AOAH: variants seen among roughly 807,000 people sequenced by gnomAD.
The protein encoded by AOAH is acyloxyacyl hydrolase.
In AOAH, 64 loss-of-function variants were observed where a neutral mutation model predicts 92.2. That is an observed-to-expected ratio of 0.69 (90% CI 0.57 to 0.86). AOAH has a LOEUF of 0.86. AOAH is among the 40% of genes least tolerant of loss of function. The pLI, the probability that AOAH is intolerant of heterozygous loss-of-function variation, is 0.00. For synonymous variants in AOAH, 263 were observed against 254.5 expected (o/e 1.03, Z -0.32); for missense variants, 656 against 694.6 (o/e 0.94, Z 0.62).
At chr7:36,678,600 T>TGTGTGTGTGTGTGCGTGC (rs549317369) in intron 2 of AOAH, among the ~76,000 whole-genome samples, 1 of 131,102 alleles carries the variant, frequency 7.6e-6, no homozygotes, top group Admixed American at 7.7e-5. Context: ...TGTGTGTGTG[T>TGTGTGTGTGTGTGCGTGC]GCGCGCGCGC....
At chr7:36,719,569 G>A (rs1231070938) in intron 1 of AOAH, among the ~76,000 whole-genome samples, 2 of 152,114 alleles carry the variant, frequency 1.3e-5, no homozygotes, top group Non-Finnish European at 2.9e-5. Flanking sequence ...TCAAGGCAAG[G>A]ATATCCTTTT....
At chr7:36,560,626 C>T (rs1221514799) in intron 13 of AOAH, among the ~76,000 whole-genome samples, 1 of 152,070 alleles carries the variant, frequency 6.6e-6, no homozygotes, top group African/African-American at 2.4e-5. Flanking sequence ...TTCCAGGAGC[C>T]TTTTAGTGTA....
intron 1 of AOAH, among the ~76,000 whole-genome samples, chr7:36,716,933 C>T (rs13236614): frequency 0.23 from 34,579 of 151,132 alleles, 4,049 homozygotes; most frequent in African/African-American, 0.28. Context: ...TGTAACAAAC[C>T]TGCACGTTGT....
intron 3 of AOAH, among the ~76,000 whole-genome samples, chr7:36,671,607 GTA>G (rs927377516): frequency 4.6e-5 from 7 of 151,470 alleles, no homozygotes; most frequent in African/African-American, 9.7e-5. Flanking sequence ...GCGTGTGTGT[GTA>G]TGTGTGTGTG....
chr7:36,574,459 T>C (rs1788350628), intron 13 of AOAH, among the ~76,000 whole-genome samples: 1 of 152,216 alleles, frequency 6.6e-6, no homozygotes, highest in South Asian at 2.1e-4. Context: ...GTTATACTTT[T>C]TGGATTATCT....
Position 36,574,713 on chromosome 7 carries a change from C to T in AOAH, c.1021+1861G>A, listed in dbSNP as rs146942501. Among the ~76,000 whole-genome samples the T allele has an allele frequency of 1.5e-4, 23 of 152,088 alleles. No homozygotes were observed. The East Asian group carries it at 4.1e-3, about 27-fold the overall frequency. ...TTCTACTCCTAGACTCAGTTTCTGTCGAGTTTTTTAAAGGTTATTTCTGTA... is the reference window on the plus strand; with the variant it reads ...TTCTACTCCTAGACTCAGTTTCTGTTGAGTTTTTTAAAGGTTATTTCTGTA... On this transcript the variant is annotated intron_variant, in intron 13 of 20. Coordinates refer to ENST00000617537, the MANE Select transcript of AOAH (RefSeq NM_001637.4).
chr7:36,608,135 C>T (rs922356681), intron 11 of AOAH, among the ~76,000 whole-genome samples: 1 of 152,214 alleles, frequency 6.6e-6, no homozygotes, highest in Non-Finnish European at 1.5e-5. Context: ...CCTGCTGCCT[C>T]GGTCACTGCT....
chr7:36,677,063 A>AG (rs1161414691), intron 2 of AOAH, among the ~76,000 whole-genome samples: 2 of 152,076 alleles, frequency 1.3e-5, no homozygotes, highest in Admixed American at 6.5e-5. Context: ...AAGCAAAAGA[A>AG]GAAAAAAAAA....
intron 3 of AOAH, 134 bp from the exon 4 acceptor site, chr7:36,659,399 C>T (rs1795069794): frequency 2.9e-6 from 2 of 687,178 alleles, no homozygotes; most frequent in South Asian, 3.4e-5. Context: ...GCCTTTGACC[C>T]CAATCCCGGG....
chr7:36,713,279 T>C (rs1798896285), intron 1 of AOAH, among the ~76,000 whole-genome samples: 1 of 149,796 alleles, frequency 6.7e-6, no homozygotes, highest in South Asian at 2.1e-4. Flanking sequence ...AAGAGCTAAC[T>C]ATCCTAAATA....
At chr7:36,695,761 C>A (rs974210935) in intron 1 of AOAH, among the ~76,000 whole-genome samples, 7 of 152,170 alleles carry the variant, frequency 4.6e-5, no homozygotes, top group African/African-American at 1.7e-4. Context: ...TGTGGCTAAT[C>A]TTTTGGTTTT....
intron 12 of AOAH, among the ~76,000 whole-genome samples, chr7:36,590,685 G>A (rs1174147254): frequency 2.0e-5 from 3 of 152,166 alleles, no homozygotes; most frequent in East Asian, 1.9e-4. Flanking sequence ...GGTAGGAAGC[G>A]CATTCTGGAG....
At position 36,724,071 on chromosome 7, in the gene AOAH, G is replaced by A; in HGVS notation, c.78C>T (p.Ala26=). The A allele has an allele frequency of 6.2e-7, 1 of 1,613,762 alleles. No homozygotes were observed. The highest frequency in any genetic ancestry group is 8.5e-7 in the Non-Finnish European group (1 of 1,179,784). Reference sequence around the variant, plus strand: ...GGCTGGGCCTGGACTGGTCATCGTTGGCTGGAGAGGCCGAGGACTGAAGAG... The same window carrying A: ...GGCTGGGCCTGGACTGGTCATCGTTAGCTGGAGAGGCCGAGGACTGAAGAG... ...LLSLQSSASP[A]NDDQSRPSLS... Residue 26 remains alanine, a synonymous_variant, in exon 1 of 21, where the codon GCC becomes GCT. Transcript: ENST00000617537.
chr7:36,650,127 TCTTGGAAGCGGCCCACCACC>T (rs1794486379), intron 4 of AOAH, among the ~76,000 whole-genome samples: 1 of 10,054 alleles, frequency 9.9e-5, no homozygotes, highest in African/African-American at 3.6e-4. Context: ...CCCACCACCG[TCTTGGAAGCGGCCCACCACC>T]GTCTTGGAAG....
At chr7:36,667,201 A>G (rs1182388311) in intron 3 of AOAH, among the ~76,000 whole-genome samples, 1 of 152,234 alleles carries the variant, frequency 6.6e-6, no homozygotes, top group East Asian at 1.9e-4. Flanking sequence ...CTCCAGAAAG[A>G]AACAACTCAT....
intron 5 of AOAH, 62 bp from the exon 6 acceptor site, chr7:36,632,168 C>T: frequency 7.3e-7 from 1 of 1,370,178 alleles, no homozygotes; most frequent in South Asian, 1.3e-5. Flanking sequence ...TCCCCACCTT[C>T]TAAAGGCCCC....
chr7:36,599,395 T>C (rs1346458438), intron 11 of AOAH, among the ~76,000 whole-genome samples: 2 of 152,188 alleles, frequency 1.3e-5, no homozygotes, highest in African/African-American at 2.4e-5. Flanking sequence ...GTATCCTCAG[T>C]GCCTTTCCTT....
intron 1 of AOAH, among the ~76,000 whole-genome samples, chr7:36,712,557 A>G (rs1361442280): frequency 1.3e-5 from 2 of 152,190 alleles, no homozygotes; most frequent in Non-Finnish European, 2.9e-5. Context: ...TGGCAGAAAG[A>G]GGCACAGCCT....
chr7:36,523,545 C>A (rs1485870255), intron 19 of AOAH, among the ~76,000 whole-genome samples: 1 of 151,792 alleles, frequency 6.6e-6, no homozygotes, highest in Non-Finnish European at 1.5e-5. Context: ...TTCTTTCTTG[C>A]CCTTGGCCAT....
Sources: gnomAD v4.1 joint callset for allele counts (sites outside exome capture counted in the v4.1 genomes callset) on GRCh38, gnomAD v4.1.1 for gene constraint, MANE v1.5 for transcripts, NCBI Gene and HGNC (gene_info 2026-07-23, HGNC 2026-07-21) for gene names.